The following CEP57L1 variants were observed in gnomAD, a reference collection of about 807,000 sequenced individuals.
CEP57L1 encodes the protein centrosomal protein 57 like 1.
In CEP57L1, 37 loss-of-function variants were observed where a neutral mutation model predicts 61.0. That is an observed-to-expected ratio of 0.61 (90% CI 0.47 to 0.80). The LOEUF (loss-of-function observed/expected upper bound fraction) is 0.80. Among genes scored for constraint, CEP57L1 ranks in the 30% least tolerant of loss-of-function variants. The probability of loss-of-function intolerance (pLI) is 0.00; values close to 1 mark genes in which losing one functional copy is unlikely to be tolerated. For missense variants in CEP57L1, 422 were observed against 524.7 expected (o/e 0.80, Z 1.91); for synonymous variants, 137 against 162.3 (o/e 0.84, Z 1.19).
chr6:109,096,553 G>A (rs954491200), intron 1 of CEP57L1, among the ~76,000 whole-genome samples: 3 of 152,134 alleles, frequency 2.0e-5, no homozygotes, highest in African/African-American at 7.2e-5. Flanking sequence ...GGGGTGGGAC[G>A]GGAAGGGTGC....
At chr6:109,120,229 A>G (rs986230537) in intron 1 of CEP57L1, among the ~76,000 whole-genome samples, 6 of 152,212 alleles carry the variant, frequency 3.9e-5, no homozygotes, top group African/African-American at 7.2e-5. Flanking sequence ...CCACTATGCT[A>G]TACTTCATTA....
At chr6:109,151,310 A>G (rs918173513) in intron 4 of CEP57L1, among the ~76,000 whole-genome samples, 1 of 152,200 alleles carries the variant, frequency 6.6e-6, no homozygotes, top group Non-Finnish European at 1.5e-5. Flanking sequence ...CTGAAGAAGA[A>G]TAAGATGAAA....
rs537924615 is a variant in CEP57L1 at position 109,162,137 on chromosome 6, G to A, written c.1162-612G>A. On this transcript the variant is annotated intron_variant, in intron 10 of 10. Coordinates refer to ENST00000517392, the MANE Select transcript of CEP57L1 (RefSeq NM_001271852.3). Reference sequence around the variant, plus strand: ...TTTAAATTCAGGAATACACAAAAGTGTTTGTTCACAAAAGTATTCCTGAAT... The same window carrying A: ...TTTAAATTCAGGAATACACAAAAGTATTTGTTCACAAAAGTATTCCTGAAT... 1.5e-4 allele frequency among the ~76,000 whole-genome samples: 23 copies of A among 151,956 alleles called. No homozygotes were observed. In the South Asian group the frequency reaches 4.4e-3, roughly 29 times the overall value.
chr6:109,154,167 C>A (rs1772973062), intron 5 of CEP57L1, among the ~76,000 whole-genome samples: 1 of 152,206 alleles, frequency 6.6e-6, no homozygotes, highest in South Asian at 2.1e-4. Context: ...ATTTTGACTT[C>A]TAATATGGCA....
At position 109,145,358 on chromosome 6, in the gene CEP57L1, T is replaced by C; in HGVS notation, c.137T>C (p.Ile46Thr). Residue 46 changes from isoleucine to threonine, a missense_variant, in exon 2 of 11, where the codon ATA becomes ACA. Coordinates refer to ENST00000517392, the MANE Select transcript of CEP57L1 (RefSeq NM_001271852.3). ...PANLEVTSPK[I>T]LHSPNSQALI... ...AACTTAGAAGTTACCTCTCCTAAGA[T>C]ACTTCATAGCCCAAATAGCCAAGGT... The C allele has an allele frequency of 4.4e-6, 7 of 1,607,198 alleles. No homozygotes were observed. Among genetic ancestry groups the C allele is most frequent in the Non-Finnish European group, 5.9e-6 (7 of 1,176,520 alleles).
intron 3 of CEP57L1, 80 bp downstream of exon 3, chr6:109,147,017 T>G (rs1772040311): frequency 9.2e-7 from 1 of 1,091,772 alleles, no homozygotes; most frequent in Non-Finnish European, 1.3e-6. Flanking sequence ...TCTAAGCCGA[T>G]GTACTCAGAT....
In CEP57L1 at chr6:109,159,278, C is replaced by G. The variant is rs1186163274; in HGVS notation, c.832C>G (p.His278Asp). The G allele has an allele frequency of 5.0e-6, 8 of 1,614,092 alleles. No homozygotes were observed. The African/African-American group carries it at 5.3e-5, about 11-fold the overall frequency. Reference protein sequence around the residue: ...LPFVAEKMRQHRDPHILQKPF... With the variant: ...LPFVAEKMRQDRDPHILQKPF... ...GCAAAACTTTTTGCAGATGAGGCAA[C>G]ATCGTGACCCACATATCCTTCAGAA... Residue 278 changes from histidine to aspartate, a missense_variant, in exon 9 of 11, where the codon CAT (histidine) becomes GAT (aspartate). His to Asp is a moderately conservative substitution (Grantham distance 81). Transcript: ENST00000517392.
chr6:109,118,803 C>T (rs77808008), intron 1 of CEP57L1, among the ~76,000 whole-genome samples: 2,986 of 152,206 alleles, frequency 0.02, 96 homozygotes, highest in African/African-American at 0.069. Context: ...TCTGACTTTT[C>T]GGTAGGTTTT....
chr6:109,125,380 G>A (rs1456348858), intron 1 of CEP57L1, among the ~76,000 whole-genome samples: 1 of 151,488 alleles, frequency 6.6e-6, no homozygotes. Flanking sequence ...AATCAGTGAA[G>A]TCCCACAATT....
intron 1 of CEP57L1, among the ~76,000 whole-genome samples, chr6:109,137,380 C>T (rs1023478727): frequency 3.9e-5 from 6 of 152,170 alleles, no homozygotes; most frequent in Admixed American, 6.5e-5. Context: ...CGGCTCACTG[C>T]GACCTCTGCC....
intron 8 of CEP57L1, 56 bp from the exon 9 acceptor site, chr6:109,159,213 A>G (rs745407527): frequency 2.5e-6 from 4 of 1,613,892 alleles, no homozygotes; most frequent in South Asian, 1.1e-5. Context: ...TTCTTTTCCC[A>G]TAAGTCTACC....
chr6:109,136,710 A>C (rs143303753), intron 1 of CEP57L1, among the ~76,000 whole-genome samples: 2 of 109,678 alleles, frequency 1.8e-5, no homozygotes, highest in East Asian at 4.5e-4. Context: ...TTTTTATTTT[A>C]TTTTATTTTA....
At chr6:109,109,076 G>A (rs140566274) in intron 1 of CEP57L1, among the ~76,000 whole-genome samples, 4 of 152,186 alleles carry the variant, frequency 2.6e-5, no homozygotes, top group East Asian at 3.9e-4. Flanking sequence ...TTTGCTCTTC[G>A]TTATTTCTAT....
intron 1 of CEP57L1, among the ~76,000 whole-genome samples, chr6:109,122,290 G>C (rs1026647959): frequency 9.9e-5 from 15 of 152,086 alleles, no homozygotes; most frequent in Non-Finnish European, 4.4e-5. Flanking sequence ...AGATAAAATT[G>C]CTTCTATCTT....
intron 1 of CEP57L1, among the ~76,000 whole-genome samples, chr6:109,135,140 A>G (rs915845488): frequency 2.0e-5 from 3 of 152,226 alleles, no homozygotes; most frequent in Non-Finnish European, 4.4e-5. Context: ...AGCTGGAGGC[A>G]TCATGCTACC....
intron 1 of CEP57L1, among the ~76,000 whole-genome samples, chr6:109,135,958 C>T (rs1236857324): frequency 2.0e-5 from 3 of 152,180 alleles, no homozygotes; most frequent in Admixed American, 1.3e-4. Flanking sequence ...CACTTTTACA[C>T]TGTTGGTGGG....
intron 1 of CEP57L1, among the ~76,000 whole-genome samples, chr6:109,124,075 C>CA (rs536788352): frequency 0.041 from 5,589 of 135,144 alleles, 303 homozygotes; most frequent in African/African-American, 0.13. Flanking sequence ...GACTCTGTCT[C>CA]AAAAAAAAAA....
chr6:109,095,364 A>C, upstream of CEP57L1: 1 of 985,898 alleles, frequency 1.0e-6, no homozygotes, highest in South Asian at 4.7e-5. Flanking sequence ...GATCACCCTA[A>C]AAGTAGTGAC....
intron 1 of CEP57L1, among the ~76,000 whole-genome samples, chr6:109,106,951 G>A (rs1583375150): frequency 6.6e-6 from 1 of 151,926 alleles, no homozygotes; most frequent in African/African-American, 2.4e-5. Flanking sequence ...AAAAACTAAC[G>A]AAATAAAATT....
Sources: allele counts gnomAD v4.1 joint callset (sites outside exome capture counted in the v4.1 genomes callset), GRCh38; gene constraint gnomAD v4.1.1; transcripts MANE v1.5; gene names NCBI Gene and HGNC (gene_info 2026-07-23, HGNC 2026-07-21).